PDE1C: variants seen among roughly 807,000 people sequenced by gnomAD.
PDE1C encodes phosphodiesterase 1C.
PDE1C carries 62 observed loss-of-function variants against 93.1 expected under a neutral mutation model. That is an observed-to-expected ratio of 0.67 (90% confidence interval 0.54 to 0.82). The LOEUF (loss-of-function observed/expected upper bound fraction) is 0.82. Among genes scored for constraint, PDE1C ranks in the 40% least tolerant of loss-of-function variants. PDE1C has a pLI of 0.00. For synonymous variants in PDE1C, 325 were observed against 310.1 expected (o/e 1.05, Z -0.50); for missense variants, 742 against 884.6 (o/e 0.84, Z 2.04).
chr7:32,180,526 C>CGCT (rs929779423), intron 2 of PDE1C, among the ~76,000 whole-genome samples: 69 of 152,232 alleles, frequency 4.5e-4, no homozygotes, highest in African/African-American at 1.7e-3. Flanking sequence ...GAGGACACAG[C>CGCT]GCTCCTCCTC....
chr7:32,308,378 A>C (rs977660662), intron 1 of PDE1C, among the ~76,000 whole-genome samples: 2 of 152,224 alleles, frequency 1.3e-5, no homozygotes, highest in South Asian at 2.1e-4. Context: ...AGCTTTGAAG[A>C]GAGTAGTGGT....
chr7:32,256,577 T>C (rs186722651), intron 1 of PDE1C, among the ~76,000 whole-genome samples: 2 of 152,332 alleles, frequency 1.3e-5, no homozygotes, highest in Non-Finnish European at 2.9e-5. Context: ...AGCCAACAGA[T>C]TCCTGTTGCC....
At chr7:31,643,356 G>C in the PDE1C span, 5 of 1,613,984 alleles carry the variant, frequency 3.1e-6, no homozygotes, top group South Asian at 5.5e-5. Flanking sequence ...CATCTGAAAA[G>C]CTCATTCCCC....
At chr7:31,841,227 C>CTCTCTATATATATA (rs751320538) in intron 9 of PDE1C, among the ~76,000 whole-genome samples, 131 of 142,284 alleles carry the variant, frequency 9.2e-4, no homozygotes, top group African/African-American at 2.5e-3. Flanking sequence ...CTCTCTCTCT[C>CTCTCTATATATATA]TATATATATA....
intron 1 of PDE1C, among the ~76,000 whole-genome samples, chr7:32,273,373 C>A (rs1254366611): frequency 6.6e-6 from 1 of 152,168 alleles, no homozygotes; most frequent in Non-Finnish European, 1.5e-5. Flanking sequence ...GTGCTTTGAG[C>A]AAATGTATTA....
intron 2 of PDE1C, among the ~76,000 whole-genome samples, chr7:31,955,767 G>T (rs1808047086): frequency 6.6e-6 from 1 of 152,142 alleles, no homozygotes; most frequent in Non-Finnish European, 1.5e-5. Flanking sequence ...TCAGGTCACT[G>T]AAGGAATATA....
rs187927379 is a variant in PDE1C, at chr7:31,767,673, C to A, written c.1960+7991G>T. ...CAGCTTGGGCTGCTATAACAAAGTA[C>A]TGTGACTGAGTGGGTTACAAACAAC... On this transcript the variant is annotated intron_variant, in intron 17 of 17. Coordinates refer to ENST00000396191, the MANE Select transcript of PDE1C (RefSeq NM_001191057.4). Among the ~76,000 whole-genome samples, 3 of 152,348 alleles carry A rather than the reference C, an allele frequency of 2.0e-5. No individual in the cohort carries two copies. The East Asian group carries it at 5.8e-4, about 29-fold the overall frequency.
chr7:31,925,247 T>C (rs774530006), intron 2 of PDE1C, among the ~76,000 whole-genome samples: 1 of 152,130 alleles, frequency 6.6e-6, no homozygotes, highest in Non-Finnish European at 1.5e-5. Flanking sequence ...TTATTAATTA[T>C]ATTTATTATT....
intron 14 of PDE1C, among the ~76,000 whole-genome samples, chr7:31,817,715 C>A (rs565076117): frequency 6.6e-6 from 1 of 152,216 alleles, no homozygotes; most frequent in East Asian, 1.9e-4. Context: ...TAGAAAAAAG[C>A]TAATGCTCAT....
intron 3 of PDE1C, among the ~76,000 whole-genome samples, chr7:32,090,841 A>G (rs543888030): frequency 6.6e-6 from 1 of 152,328 alleles, no homozygotes; most frequent in East Asian, 1.9e-4. Context: ...CTGCAGTTCA[A>G]TGACGTGCAA....
chr7:31,623,737 G>T, the PDE1C span, among the ~76,000 whole-genome samples: 14,738 of 142,664 alleles, frequency 0.1, 1,083 homozygotes, highest in Non-Finnish European at 0.14. Flanking sequence ...CTATCACCAC[G>T]CCTATTCAAC....
chr7:31,882,211 T>C (rs1797339752), intron 2 of PDE1C, among the ~76,000 whole-genome samples: 1 of 152,192 alleles, frequency 6.6e-6, no homozygotes, highest in South Asian at 2.1e-4. Context: ...ATTACGAATC[T>C]GCAATATATC....
At chr7:32,098,313 T>C (rs1472165802) in intron 3 of PDE1C, among the ~76,000 whole-genome samples, 1 of 151,386 alleles carries the variant, frequency 6.6e-6, no homozygotes, top group Non-Finnish European at 1.5e-5. Flanking sequence ...CTCCATTTTA[T>C]AGATGAAGTT....
chr7:31,869,316 T>C (rs1305655155), intron 6 of PDE1C, among the ~76,000 whole-genome samples: 2 of 152,014 alleles, frequency 1.3e-5, no homozygotes, highest in Non-Finnish European at 2.9e-5. Flanking sequence ...ACTCAAAAAA[T>C]AGACTAGCTA....
At chr7:32,403,190 C>T (rs1583421170) in intron 1 of PDE1C, among the ~76,000 whole-genome samples, 2 of 34,480 alleles carry the variant, frequency 5.8e-5, no homozygotes, top group Non-Finnish European at 3.9e-4. Flanking sequence ...TTAATGTTCT[C>T]TAACAGGGCA....
At chr7:31,686,042 C>G in the PDE1C span, among the ~76,000 whole-genome samples, 6 of 152,208 alleles carry the variant, frequency 3.9e-5, no homozygotes, top group Non-Finnish European at 8.8e-5. Flanking sequence ...CAGTGGCAAG[C>G]AGGCAGTTGA....
At chr7:32,226,944 C>T (rs1323549546) in intron 1 of PDE1C, among the ~76,000 whole-genome samples, 13 of 152,152 alleles carry the variant, frequency 8.5e-5, no homozygotes, top group African/African-American at 2.9e-4. Context: ...GGTCAGGGGC[C>T]GTTAGGAACA....
At chr7:31,989,125 G>A (rs184427781) in intron 2 of PDE1C, among the ~76,000 whole-genome samples, 4 of 150,240 alleles carry the variant, frequency 2.7e-5, no homozygotes, top group Admixed American at 1.3e-4. Flanking sequence ...AAAGAAAGAG[G>A]AAAAGAAAAG....
intron 1 of PDE1C, among the ~76,000 whole-genome samples, chr7:32,376,861 G>T (rs1784441394): frequency 6.6e-6 from 1 of 152,068 alleles, no homozygotes; most frequent in Non-Finnish European, 1.5e-5. Context: ...TTAATTTTTT[G>T]TATTTTTTGT....
Sources: allele counts gnomAD v4.1 joint callset (sites outside exome capture counted in the v4.1 genomes callset), GRCh38; gene constraint gnomAD v4.1.1; transcripts MANE v1.5; gene names NCBI Gene and HGNC (gene_info 2026-07-23, HGNC 2026-07-21).